The following CHST11 variants were observed in gnomAD, a reference collection of about 807,000 sequenced individuals.
The protein encoded by CHST11 is C4S-1.
In CHST11, 9 loss-of-function variants were observed where a neutral mutation model predicts 30.4. The ratio of observed to expected loss-of-function variants is 0.30; its 90% CI spans 0.18 to 0.52. The LOEUF is 0.52. Ranked by LOEUF, CHST11 falls within the 20% of genes least tolerant of loss-of-function variation. The probability of loss-of-function intolerance (pLI) is 0.97; values close to 1 mark genes in which losing one functional copy is unlikely to be tolerated. For synonymous variants in CHST11, 152 were observed against 187.8 expected (o/e 0.81, Z 1.56); for missense variants, 348 against 460.6 (o/e 0.76, Z 2.24).
chr12:104,664,197 A>G (rs1026831964), intron 2 of CHST11, among the ~76,000 whole-genome samples: 1 of 152,222 alleles, frequency 6.6e-6, no homozygotes, highest in African/African-American at 2.4e-5. Context: ...CAGGGAGACC[A>G]CGAGGTGAAC....
At chr12:104,632,750 A>G (rs2039282720) in intron 2 of CHST11, among the ~76,000 whole-genome samples, 1 of 152,180 alleles carries the variant, frequency 6.6e-6, no homozygotes, top group Non-Finnish European at 1.5e-5. Flanking sequence ...CTGCACCCTG[A>G]CCTGGGCTGG....
At chr12:104,707,271 A>T (rs1021157816) in intron 2 of CHST11, among the ~76,000 whole-genome samples, 5 of 152,250 alleles carry the variant, frequency 3.3e-5, no homozygotes, top group African/African-American at 4.8e-5. Context: ...TGGGTGGGTG[A>T]AACCCCTTCC....
intron 1 of CHST11, among the ~76,000 whole-genome samples, chr12:104,466,442 A>G (rs1269256285): frequency 6.6e-6 from 1 of 152,224 alleles, no homozygotes; most frequent in African/African-American, 2.4e-5. Flanking sequence ...TGGACCCTAT[A>G]ATGCTGTTGC....
At chr12:104,486,753 GGGGAAAAGAACTTCCCT>G (rs1454156421) in intron 1 of CHST11, among the ~76,000 whole-genome samples, 2 of 152,154 alleles carry the variant, frequency 1.3e-5, no homozygotes, top group Non-Finnish European at 2.9e-5. Flanking sequence ...GCCGACTGAA[GGGGAAAAGAACTTCCCT>G]GGGAGTAGGA....
rs1255479685 is a variant in CHST11, at chr12:104,457,401, A to G, written c.-11A>G. On this transcript the variant is annotated 5_prime_UTR_variant, in exon 1 of 3. Transcript: ENST00000303694. ...CCCGGACACCCCGGTCCCCGCAGCC[A>G]GGACAAAGCCATGAAGCCAGCGCTG... The G allele has an allele frequency of 1.7e-5, 27 of 1,605,620 alleles. No homozygotes were observed. Among genetic ancestry groups the G allele is most frequent in the Non-Finnish European group, 2.2e-5 (26 of 1,172,868 alleles).
At chr12:104,637,195 C>T in intron 2 of CHST11, among the ~76,000 whole-genome samples, 1 of 148,838 alleles carries the variant, frequency 6.7e-6, no homozygotes, top group East Asian at 2.0e-4. Context: ...GTCCCAGCTA[C>T]TTAGGAGGCT....
At position 104,665,888 on chromosome 12, in the gene CHST11, C is replaced by T. The variant is rs545736854; in HGVS notation, c.204+63897C>T. ...AGGCTGGACCGCAGTGGCGCGATCT[C>T]GGCTCACTGCAACCTCTGCCTTCCA... is the stretch of plus-strand genomic sequence containing the variant. On this transcript the variant is annotated intron_variant, in intron 2 of 2. Transcript: ENST00000303694. Among the ~76,000 whole-genome samples the T allele has an allele frequency of 1.2e-4, 16 of 138,668 alleles. No individual in the cohort carries two copies. In the South Asian group the frequency reaches 2.4e-3, roughly 21 times the overall value. The allele number at this position is 138,668 out of a possible 152,430, so 91.0% of individuals were successfully genotyped here.
At chr12:104,523,444 C>T (rs1011034101) in intron 1 of CHST11, among the ~76,000 whole-genome samples, 2 of 152,190 alleles carry the variant, frequency 1.3e-5, no homozygotes, top group African/African-American at 2.4e-5. Context: ...TGGCACTCAA[C>T]GTGTGGCCTC....
chr12:104,665,430 T>C (rs1278851383), intron 2 of CHST11, among the ~76,000 whole-genome samples: 1 of 152,114 alleles, frequency 6.6e-6, no homozygotes, highest in Admixed American at 6.5e-5. Context: ...GCCATCTGCA[T>C]GGAGGTAGTT....
chr12:104,741,869 C>T (rs1343342455), intron 2 of CHST11, among the ~76,000 whole-genome samples: 2 of 152,210 alleles, frequency 1.3e-5, no homozygotes, highest in Non-Finnish European at 2.9e-5. Context: ...GACAGCCCGA[C>T]CCACTGAACC....
intron 1 of CHST11, among the ~76,000 whole-genome samples, chr12:104,510,016 G>A (rs999562451): frequency 2.6e-5 from 4 of 152,122 alleles, no homozygotes; most frequent in African/African-American, 9.7e-5. Flanking sequence ...CACGGTGAAG[G>A]TCATCTACTT....
At chr12:104,514,477 G>A (rs138443299) in intron 1 of CHST11, 5 of 726,122 alleles carry the variant, frequency 6.9e-6, no homozygotes, top group Admixed American at 1.9e-5. Context: ...CTGCTGCTAC[G>A]ACTCCATACC....
intron 2 of CHST11, among the ~76,000 whole-genome samples, chr12:104,749,915 C>A (rs1042457964): frequency 6.6e-6 from 1 of 152,292 alleles, no homozygotes; most frequent in African/African-American, 2.4e-5. Context: ...ATAGAACCCC[C>A]AGGAGTCTAG....
chr12:104,668,439 G>A (rs542561362), intron 2 of CHST11, among the ~76,000 whole-genome samples: 10 of 152,242 alleles, frequency 6.6e-5, no homozygotes, highest in South Asian at 4.2e-4. Context: ...AACACACTGC[G>A]TTGGGACGTC....
intron 1 of CHST11, among the ~76,000 whole-genome samples, chr12:104,513,126 G>GGCA: frequency 1.8e-5 from 1 of 54,844 alleles, no homozygotes; most frequent in African/African-American, 7.0e-5. Flanking sequence ...TCATGACTGG[G>GGCA]GGGGGGGGGG....
intron 2 of CHST11, among the ~76,000 whole-genome samples, chr12:104,696,507 A>AC (rs1566042414): frequency 8.7e-5 from 12 of 138,672 alleles, no homozygotes; most frequent in African/African-American, 3.2e-4. Flanking sequence ...AAAAAAAAAA[A>AC]CATAGCTGGG....
chr12:104,576,129 G>A (rs2038681696), intron 1 of CHST11, among the ~76,000 whole-genome samples: 2 of 152,014 alleles, frequency 1.3e-5, no homozygotes, highest in South Asian at 2.1e-4. Context: ...GGTGGTTCAC[G>A]TTAAGTATTC....
chr12:104,626,331 T>C lies in CHST11; in HGVS notation c.204+24340T>C, dbSNP rs1039992719. 3.3e-5 allele frequency among the ~76,000 whole-genome samples: 5 copies of C among 152,304 alleles called. 1 individual carries two copies. The highest frequency in any genetic ancestry group is 1.9e-4 in the East Asian group (1 of 5,192). On this transcript the variant is annotated intron_variant, in intron 2 of 2. Transcript: ENST00000303694. ...GCTTTTTTAAAACCTCATAAAACCT[T>C]CTGTACAATTCATTCTGACCAACAT...
At chr12:104,582,232 T>G (rs2038752957) in intron 1 of CHST11, among the ~76,000 whole-genome samples, 1 of 152,104 alleles carries the variant, frequency 6.6e-6, no homozygotes, top group African/African-American at 2.4e-5. Flanking sequence ...GTGAGCAAAC[T>G]GAGATGCAGG....
Sources: allele counts gnomAD v4.1 joint callset (sites outside exome capture counted in the v4.1 genomes callset), GRCh38; gene constraint gnomAD v4.1.1; transcripts MANE v1.5; gene names NCBI Gene and HGNC (gene_info 2026-07-23, HGNC 2026-07-21).